FHIP1A: variants seen among roughly 807,000 people sequenced by gnomAD.
FHIP1A encodes the protein FHF complex subunit HOOK interacting protein 1A.
In FHIP1A, 61 loss-of-function variants were observed where a neutral mutation model predicts 88.6. That is an observed-to-expected ratio of 0.69 (90% confidence interval 0.56 to 0.85). The LOEUF (loss-of-function observed/expected upper bound fraction) is 0.85. FHIP1A is among the 40% of genes least tolerant of loss of function. FHIP1A has a pLI of 0.00. For missense variants in FHIP1A, 1,154 were observed against 1,273.5 expected (o/e 0.91, Z 1.43); for synonymous variants, 478 against 496.0 (o/e 0.96, Z 0.48).
chr4:151,645,431 G>C (rs1413338535), intron 9 of FHIP1A, among the ~76,000 whole-genome samples: 1 of 151,940 alleles, frequency 6.6e-6, no homozygotes, highest in African/African-American at 2.4e-5. Flanking sequence ...TTCCTCATTT[G>C]GATCAGCAGG....
chr4:151,448,803 G>A lies in FHIP1A; in HGVS notation c.-355-5898G>A, dbSNP rs535963796. Among the ~76,000 whole-genome samples the A allele has an allele frequency of 1.5e-3, 226 of 152,176 alleles. 2 individuals carry two copies. Among genetic ancestry groups the A allele is most frequent in the African/African-American group, 5.0e-3 (206 of 41,522 alleles). On this transcript the variant is annotated intron_variant, in intron 1 of 13. Transcript: ENST00000435205. ...GAGTCCCCACTTTCACTTCTTTTGG[G>A]TATGTATTTAATACCCAGGAGTTTA...
chr4:151,471,834 C>A (rs1729523766), intron 2 of FHIP1A, among the ~76,000 whole-genome samples: 1 of 152,146 alleles, frequency 6.6e-6, no homozygotes, highest in Non-Finnish European at 1.5e-5. Flanking sequence ...ATTATCATAG[C>A]TTAGCTCCTA....
intron 7 of FHIP1A, among the ~76,000 whole-genome samples, chr4:151,621,083 C>G (rs1344873639): frequency 1.3e-5 from 2 of 152,026 alleles, no homozygotes; most frequent in Non-Finnish European, 2.9e-5. Flanking sequence ...GTAAGAAAAC[C>G]AAAAAGCAAG....
intron 3 of FHIP1A, among the ~76,000 whole-genome samples, chr4:151,539,596 C>T (rs911196632): frequency 1.1e-4 from 16 of 149,144 alleles, no homozygotes; most frequent in Non-Finnish European, 2.2e-4. Context: ...ATACAGTGGA[C>T]GTTCTCTTAA....
In FHIP1A at chr4:151,493,302, C is replaced by G. The variant is rs1730348550; in HGVS notation, c.-123+10654C>G. On this transcript the variant is annotated intron_variant, in intron 3 of 13. Coordinates refer to ENST00000435205, the MANE Select transcript of FHIP1A (RefSeq NM_001109977.3). ...GAAGAAATAGAAACTCTGAACAGACCAATAACAAGTAGTGAGATTGAAACA... is the reference window on the plus strand; with the variant it reads ...GAAGAAATAGAAACTCTGAACAGACGAATAACAAGTAGTGAGATTGAAACA... 2.6e-5 allele frequency among the ~76,000 whole-genome samples: 4 copies of G among 152,134 alleles called. No individual in the cohort carries two copies. The South Asian group carries it at 8.3e-4, about 32-fold the overall frequency.
chr4:151,606,908 A>G (rs1735096084), intron 7 of FHIP1A, among the ~76,000 whole-genome samples: 1 of 152,216 alleles, frequency 6.6e-6, no homozygotes, highest in South Asian at 2.1e-4. Flanking sequence ...GGATTCCAAC[A>G]ATGTCCTGCA....
chr4:151,440,940 A>C (rs933253291), intron 1 of FHIP1A, among the ~76,000 whole-genome samples: 12 of 152,214 alleles, frequency 7.9e-5, no homozygotes, highest in African/African-American at 2.6e-4. Flanking sequence ...GTGTCGCCGA[A>C]TGCAGTCCTG....
chr4:151,609,803 T>A (rs1271428841), intron 7 of FHIP1A, among the ~76,000 whole-genome samples: 5 of 152,188 alleles, frequency 3.3e-5, no homozygotes, highest in African/African-American at 4.8e-5. Flanking sequence ...GGCCGTAGGA[T>A]CTATATCACC....
At chr4:151,448,279 T>C (rs1229390194) in intron 1 of FHIP1A, among the ~76,000 whole-genome samples, 1 of 152,150 alleles carries the variant, frequency 6.6e-6, no homozygotes, top group Non-Finnish European at 1.5e-5. Flanking sequence ...TCTATGTTTT[T>C]CTGTTATGGC....
chr4:151,511,622 C>T (rs1175035045), intron 3 of FHIP1A, among the ~76,000 whole-genome samples: 1 of 152,222 alleles, frequency 6.6e-6, no homozygotes. Flanking sequence ...AACGGCGCAC[C>T]AGGAGATTAT....
At chr4:151,452,189 A>G (rs575903650) in intron 1 of FHIP1A, among the ~76,000 whole-genome samples, 2 of 152,324 alleles carry the variant, frequency 1.3e-5, no homozygotes, top group South Asian at 4.1e-4. Flanking sequence ...TGTGAAAATC[A>G]GTAGATTAGA....
intron 9 of FHIP1A, among the ~76,000 whole-genome samples, chr4:151,645,479 G>A (rs933574694): frequency 6.6e-6 from 1 of 151,910 alleles, no homozygotes; most frequent in African/African-American, 2.4e-5. Flanking sequence ...AGGCCTGAAG[G>A]CATGTCCTGA....
At chr4:151,545,369 C>CTTTTTTTTTTTTTTTTTTTTT (rs569126288) in intron 3 of FHIP1A, among the ~76,000 whole-genome samples, 1 of 81,652 alleles carries the variant, frequency 1.2e-5, no homozygotes, top group African/African-American at 5.1e-5. Flanking sequence ...CCTTATCCTT[C>CTTTTTTTTTTTTTTTTTTTTT]TTTTTTTTTT....
intron 1 of FHIP1A, among the ~76,000 whole-genome samples, chr4:151,451,155 G>A (rs1484151799): frequency 6.6e-6 from 1 of 151,834 alleles, no homozygotes; most frequent in South Asian, 2.1e-4. Context: ...TTCTTTTTCT[G>A]TATTTGTACC....
At position 151,629,858 on chromosome 4, in the gene FHIP1A, A is replaced by G; in HGVS notation, c.1135A>G (p.Thr379Ala). ...ILDTLTSRIN[T>A]PFRLCVVSLA... ...AGACACTCTCACGAGTCGAATCAAC[A>G]CCCCGTTTCGGGTAAGGAGAGCGCC... Residue 379 changes from threonine to alanine, a missense_variant, in exon 8 of 14, where the codon ACC (threonine) becomes GCC (alanine). By Grantham distance (58) the Thr-to-Ala change is moderately conservative (BLOSUM62 0). Transcript: ENST00000435205. The G allele has an allele frequency of 1.9e-6, 3 of 1,550,906 alleles. No homozygotes were observed. Among genetic ancestry groups the G allele is most frequent in the Non-Finnish European group, 2.6e-6 (3 of 1,146,546 alleles).
intron 3 of FHIP1A, among the ~76,000 whole-genome samples, chr4:151,522,700 A>G (rs1240418307): frequency 2.6e-5 from 4 of 152,366 alleles, no homozygotes; most frequent in Middle Eastern, 3.4e-3. Context: ...CTTCTCATCT[A>G]ATCATATTAT....
chr4:151,513,324 A>T (rs1731106022), intron 3 of FHIP1A, among the ~76,000 whole-genome samples: 1 of 152,244 alleles, frequency 6.6e-6, no homozygotes, highest in Non-Finnish European at 1.5e-5. Flanking sequence ...TAAAGGAACA[A>T]TCAGTACCAG....
chr4:151,548,233 G>A (rs974186862), intron 3 of FHIP1A, among the ~76,000 whole-genome samples: 2 of 152,262 alleles, frequency 1.3e-5, no homozygotes, highest in African/African-American at 2.4e-5. Context: ...CTGGTCTAGT[G>A]TTGTTGGTGC....
At chr4:151,629,972 TTTTTTC>T (rs1006465692) in intron 8 of FHIP1A, 103 bp downstream of exon 8, 2 of 996,780 alleles carry the variant, frequency 2.0e-6, no homozygotes, top group South Asian at 1.8e-5. Context: ...GCTCTCCTTT[TTTTTTC>T]TTTTTCTTTT....
Sources: gnomAD v4.1 joint callset for allele counts (sites outside exome capture counted in the v4.1 genomes callset) on GRCh38, gnomAD v4.1.1 for gene constraint, MANE v1.5 for transcripts, NCBI Gene and HGNC (gene_info 2026-07-23, HGNC 2026-07-21) for gene names.